Variants in CHMP3 observed in about 807,000 individuals in gnomAD.
The protein encoded by CHMP3 is 25.1 protein.
In CHMP3, 8 loss-of-function variants were observed where a neutral mutation model predicts 27.4. The ratio of observed to expected loss-of-function variants is 0.29; its 90% CI spans 0.17 to 0.53. The LOEUF (loss-of-function observed/expected upper bound fraction) is 0.53, where lower values mean the gene tolerates loss of function less well. Among genes scored for constraint, CHMP3 ranks in the 20% least tolerant of loss-of-function variants. The pLI is 0.96. For missense variants in CHMP3, 208 were observed against 271.5 expected (o/e 0.77, Z 1.64); for synonymous variants, 86 against 85.5 (o/e 1.01, Z -0.03).
chr2:86,563,419 CTGGG>C lies in CHMP3; in HGVS notation c.-75_-72del, dbSNP rs1677479062. The C allele has an allele frequency of 2.6e-6, 4 of 1,562,098 alleles. No homozygotes were observed. Among genetic ancestry groups the C allele is most frequent in the Non-Finnish European group, 3.5e-6 (4 of 1,151,416 alleles). ...GCCCAGGCAGGTCACGGGCAGCCGCCTGGGCGGGGCCCGCGGAAAAGGAGGTAGT... is the reference window on the plus strand; with the variant it reads ...GCCCAGGCAGGTCACGGGCAGCCGCCCGGGGCCCGCGGAAAAGGAGGTAGT... On this transcript the variant is annotated 5_prime_UTR_variant, in exon 1 of 6. Transcript: ENST00000263856.
chr2:86,554,128 C>A (rs1176200367), intron 1 of CHMP3, among the ~76,000 whole-genome samples: 1 of 152,152 alleles, frequency 6.6e-6, no homozygotes, highest in East Asian at 1.9e-4. Context: ...AAGAAGGCAC[C>A]ATCTATGAAC....
chr2:86,510,679 G>T, intron 3 of CHMP3, 200 bp from the exon 4 acceptor site: 1 of 687,102 alleles, frequency 1.5e-6, no homozygotes, highest in Non-Finnish European at 2.3e-6. Context: ...TACTACTGAT[G>T]TGAATTCAAT....
At chr2:86,550,698 TC>T (rs1318631833) in intron 1 of CHMP3, among the ~76,000 whole-genome samples, 2 of 152,152 alleles carry the variant, frequency 1.3e-5, no homozygotes, top group Admixed American at 1.3e-4. Context: ...ATCCATGGGT[TC>T]TACATGTGTG....
intron 1 of CHMP3, among the ~76,000 whole-genome samples, chr2:86,552,888 A>C (rs190128825): frequency 2.0e-5 from 3 of 152,362 alleles, no homozygotes; most frequent in South Asian, 2.1e-4. Context: ...CATTATCCTC[A>C]GCAAACTAAT....
At chr2:86,540,216 C>G (rs1676309173) in intron 2 of CHMP3, among the ~76,000 whole-genome samples, 1 of 152,094 alleles carries the variant, frequency 6.6e-6, no homozygotes, top group East Asian at 1.9e-4. Context: ...TTCCTTGGAT[C>G]TGCAAGCTTA....
intron 2 of CHMP3, among the ~76,000 whole-genome samples, chr2:86,539,971 T>G (rs1676298309): frequency 6.6e-6 from 1 of 152,108 alleles, no homozygotes; most frequent in African/African-American, 2.4e-5. Context: ...TCATTGGACT[T>G]AAGTCTAGGA....
At chr2:86,514,383 G>C (rs1401406526) in intron 3 of CHMP3, among the ~76,000 whole-genome samples, 1 of 152,182 alleles carries the variant, frequency 6.6e-6, no homozygotes, top group Non-Finnish European at 1.5e-5. Context: ...TAATTCTAAA[G>C]TCTGAACAAA....
At chr2:86,561,079 C>G (rs549594677) in intron 1 of CHMP3, among the ~76,000 whole-genome samples, 2 of 152,188 alleles carry the variant, frequency 1.3e-5, no homozygotes, top group Non-Finnish European at 2.9e-5. Context: ...GGTGCCCTAT[C>G]CAAACCAGCT....
chr2:86,558,802 C>A (rs1007021354), intron 1 of CHMP3, among the ~76,000 whole-genome samples: 3 of 151,702 alleles, frequency 2.0e-5, no homozygotes, highest in African/African-American at 7.3e-5. Context: ...TCCATTTCTG[C>A]CAACATTTTC....
chr2:86,549,913 C>A (rs555766636), intron 1 of CHMP3, among the ~76,000 whole-genome samples: 1 of 151,380 alleles, frequency 6.6e-6, no homozygotes, highest in Non-Finnish European at 1.5e-5. Context: ...CGGGCAGAGG[C>A]GCTTCTCACT....
At chr2:86,540,186 T>G (rs894641451) in intron 2 of CHMP3, among the ~76,000 whole-genome samples, 11 of 152,234 alleles carry the variant, frequency 7.2e-5, no homozygotes, top group African/African-American at 2.6e-4. Flanking sequence ...GGTTTTGTGT[T>G]TATTCAATTT....
At chr2:86,523,507 TA>T (rs1675595322) in intron 3 of CHMP3, among the ~76,000 whole-genome samples, 1 of 152,236 alleles carries the variant, frequency 6.6e-6, no homozygotes. Flanking sequence ...TTCACGATTT[TA>T]ACCCCAGTGC....
chr2:86,550,280 G>A (rs1373727267), intron 1 of CHMP3, among the ~76,000 whole-genome samples: 1 of 152,242 alleles, frequency 6.6e-6, no homozygotes, highest in Admixed American at 6.5e-5. Flanking sequence ...GCAGGCCGAG[G>A]TAGGAGAACC....
intron 2 of CHMP3, among the ~76,000 whole-genome samples, chr2:86,533,697 G>A (rs1196405728): frequency 2.0e-5 from 3 of 152,098 alleles, no homozygotes; most frequent in African/African-American, 7.2e-5. Flanking sequence ...TAGAGACAGG[G>A]TTTCGCCATG....
intron 3 of CHMP3, among the ~76,000 whole-genome samples, chr2:86,512,737 A>G (rs1257400179): frequency 1.3e-5 from 2 of 152,226 alleles, no homozygotes; most frequent in African/African-American, 4.8e-5. Context: ...ACTCACCAAC[A>G]TGATATATTA....
At chr2:86,522,907 T>C (rs1227976421) in intron 3 of CHMP3, among the ~76,000 whole-genome samples, 1 of 152,208 alleles carries the variant, frequency 6.6e-6, no homozygotes, top group Non-Finnish European at 1.5e-5. Context: ...CCTTCATGCA[T>C]TCCTGTCAAA....
intron 4 of CHMP3, 89 bp downstream of exon 4, chr2:86,510,269 T>TCCCCACCCCC: frequency 1.5e-6 from 2 of 1,369,630 alleles, no homozygotes; most frequent in Non-Finnish European, 2.0e-6. Flanking sequence ...AGTCTGTTCA[T>TCCCCACCCCC]CCCCACCCAC....
intron 2 of CHMP3, among the ~76,000 whole-genome samples, chr2:86,533,803 C>G (rs374833163): frequency 1.2e-4 from 18 of 152,118 alleles, no homozygotes; most frequent in African/African-American, 4.1e-4. Flanking sequence ...GGCCTTCATT[C>G]TTAATGTAAG....
At chr2:86,525,267 AAAATT>A (rs1276009364) in intron 3 of CHMP3, among the ~76,000 whole-genome samples, 1 of 152,246 alleles carries the variant, frequency 6.6e-6, no homozygotes, top group Non-Finnish European at 1.5e-5. Flanking sequence ...TTTCAAAAAC[AAAATT>A]AAATACAAAA....
Sources: gnomAD v4.1 joint callset for allele counts (sites outside exome capture counted in the v4.1 genomes callset) on GRCh38, gnomAD v4.1.1 for gene constraint, MANE v1.5 for transcripts, NCBI Gene and HGNC (gene_info 2026-07-23, HGNC 2026-07-21) for gene names.